Variants in SARDH observed in about 807,000 individuals in gnomAD.
SARDH encodes the protein sarcosine dehydrogenase.
In SARDH, 95 loss-of-function variants were observed where a neutral mutation model predicts 109.1. The observed-to-expected ratio is 0.87, with a 90% CI of 0.74 to 1.03. SARDH has a LOEUF of 1.03. Ranked by LOEUF, SARDH falls within the 50% of genes least tolerant of loss-of-function variation. The pLI is 0.00. For missense variants in SARDH, 1,267 were observed against 1,287.8 expected, an observed-to-expected ratio of 0.98 and a Z score of 0.25; for synonymous variants, 572 against 534.8, an observed-to-expected ratio of 1.07 and a Z score of -0.96.
At chr9:133,733,713 A>T in intron 2 of SARDH, 130 bp downstream of exon 2, 1 of 919,294 alleles carries the variant, frequency 1.1e-6, no homozygotes, top group Non-Finnish European at 1.5e-6. Flanking sequence ...CAAACTGGCC[A>T]TGCACCCTTC....
At chr9:133,681,247 G>A (rs1830684732) in intron 17 of SARDH, among the ~76,000 whole-genome samples, 2 of 152,208 alleles carry the variant, frequency 1.3e-5, no homozygotes, top group Non-Finnish European at 2.9e-5. Context: ...GGCAGCTGAT[G>A]TGGGCTCCCG....
Position 133,718,827 on chromosome 9 carries a change from C to A in SARDH, c.1020+111G>T. On this transcript the variant is annotated intron_variant, in intron 7 of 20. Transcript: ENST00000439388. The surrounding 1 kb of genome is among the most constrained non-coding windows in gnomAD (Gnocchi z 4.2). ...TGGGGTCAGGGGACCGGCCACTTCT[C>A]AGGTGTGCCTCTGAGGAGCTTCAGG... 2 of 898,950 alleles carry A rather than the reference C, an allele frequency of 2.2e-6. No homozygotes were observed. Among genetic ancestry groups the A allele is most frequent in the Non-Finnish European group, 1.9e-6 (1 of 529,364 alleles). The allele number at this position is 898,950 out of a possible 1,614,324, so 55.7% of individuals were successfully genotyped here. A position where few individuals can be genotyped will look rare whatever the true frequency, so the allele number is the denominator to read the frequency against.
intron 1 of SARDH, among the ~76,000 whole-genome samples, chr9:133,735,207 A>G (rs1181464657): frequency 6.6e-6 from 1 of 152,202 alleles, no homozygotes; most frequent in African/African-American, 2.4e-5. Flanking sequence ...CCCCCTCATC[A>G]GCCCCAAAGC....
rs759764192 is a variant in SARDH, at chr9:133,670,711, G to T, written c.2368C>A (p.Pro790Thr). The change falls in exon 19 of 21, where the codon CCC (proline) becomes ACC (threonine). Residue 790 changes from proline (P) to threonine (T), a missense_variant. By Grantham distance (38) the Pro-to-Thr change is conservative. Coordinates refer to ENST00000439388, the MANE Select transcript of SARDH (RefSeq NM_001134707.2). ...WHADLRPDDS[P>T]LEAGLAFTCK... ...GTGAAGGCCAGGCCTGCCTCCAGGG[G>T]GCTGTCGTCTGGCCGCAGGTCCGCG... is the stretch of plus-strand genomic sequence containing the variant. 2 of 1,602,168 alleles carry T rather than the reference G, an allele frequency of 1.2e-6. No homozygotes were observed. Among genetic ancestry groups the T allele is most frequent in the Non-Finnish European group, 1.7e-6 (2 of 1,175,432 alleles).
intron 8 of SARDH, 109 bp downstream of exon 8, chr9:133,717,217 C>T (rs1257587338): frequency 1.7e-5 from 24 of 1,400,650 alleles, no homozygotes; most frequent in Non-Finnish European, 2.4e-5. Context: ...CCGGGGACAG[C>T]CCTGGGTCCC....
intron 6 of SARDH, among the ~76,000 whole-genome samples, chr9:133,720,676 C>T (rs964175667): frequency 6.6e-6 from 1 of 152,128 alleles, no homozygotes; most frequent in Non-Finnish European, 1.5e-5. Context: ...AGGGGAACTC[C>T]CTTTATAAAA....
intron 18 of SARDH, 95 bp downstream of exon 18, chr9:133,671,440 G>A (rs921293760): frequency 4.3e-6 from 6 of 1,401,936 alleles, no homozygotes; most frequent in Non-Finnish European, 3.8e-6. Flanking sequence ...ACAACACAGG[G>A]AAGGTAAACA....
rs1831818499 is a variant in SARDH at position 133,709,171 on chromosome 9, C to CGTGG, written c.1329-744_1329-743insCCAC. 6.6e-6 allele frequency among the ~76,000 whole-genome samples: 1 copy of CGTGG among 152,192 alleles called. No individual in the cohort carries two copies. The highest frequency in any genetic ancestry group is 6.5e-5 in the Admixed American group (1 of 15,288). On this transcript the variant is annotated intron_variant, in intron 10 of 20. Transcript: ENST00000439388. This position sits in a 1 kb window ranked among gnomAD's most constrained non-coding sequence, Gnocchi z 4.2. The stretch of plus-strand genomic sequence containing the variant: ...AGGCTGGGGACACAGTGTGCGGCCA[C>CGTGG]GGCAGCCCCCGGTGGTGTCCAGCAC...
At chr9:133,707,938 C>T (rs992839360) in intron 11 of SARDH, among the ~76,000 whole-genome samples, 10 of 152,190 alleles carry the variant, frequency 6.6e-5, no homozygotes, top group Non-Finnish European at 1.3e-4. Flanking sequence ...TCTCCCAATA[C>T]GTGGCTGCAT....
chr9:133,687,768 G>A (rs759391900), intron 16 of SARDH, among the ~76,000 whole-genome samples: 1 of 152,236 alleles, frequency 6.6e-6, no homozygotes, highest in African/African-American at 2.4e-5. Context: ...CCATTGTCCA[G>A]TAGGTGTGCT....
intron 6 of SARDH, among the ~76,000 whole-genome samples, chr9:133,725,122 C>T (rs749188627): frequency 3.9e-5 from 6 of 152,194 alleles, no homozygotes; most frequent in Non-Finnish European, 8.8e-5. Flanking sequence ...AGCCAGACAT[C>T]ATGTGATTCC....
intron 17 of SARDH, among the ~76,000 whole-genome samples, chr9:133,680,988 A>G (rs129894): frequency 0.47 from 71,857 of 152,160 alleles, 19,144 homozygotes; most frequent in African/African-American, 0.74. Flanking sequence ...GAATGACCCC[A>G]CAGAGCCGGC....
At chr9:133,683,792 C>T (rs1433666279) in intron 17 of SARDH, among the ~76,000 whole-genome samples, 2 of 152,218 alleles carry the variant, frequency 1.3e-5, no homozygotes, top group African/African-American at 2.4e-5. Flanking sequence ...CAGGCCAGGA[C>T]CTCGCTCCTC....
In SARDH at chr9:133,713,070, C is replaced by A; in HGVS notation, c.1205G>T (p.Gly402Val). ...GTTGAAGCCACAGCCCAGGAAGAAC[C>A]CTCGGAGCTCAGGTGCCTCCCCCAT... ...PLMGEAPELR[G>V]FFLGCGFNSA... Residue 402 changes from glycine (G) to valine (V), a missense_variant, in exon 9 of 21, where the codon GGG becomes GTG. Transcript: ENST00000439388. 1.2e-6 allele frequency: 2 copies of A among 1,613,218 alleles called. No individual in the cohort carries two copies. Among genetic ancestry groups the A allele is most frequent in the African/African-American group, 2.7e-5 (2 of 75,052 alleles).
chr9:133,679,934 C>T (rs947955733), intron 17 of SARDH, among the ~76,000 whole-genome samples: 5 of 152,230 alleles, frequency 3.3e-5, no homozygotes, highest in African/African-American at 7.2e-5. Context: ...CCAGAGGTTC[C>T]GCTGACTGCG....
intron 17 of SARDH, among the ~76,000 whole-genome samples, chr9:133,678,881 C>T (rs867575609): frequency 1.3e-5 from 2 of 152,328 alleles, no homozygotes; most frequent in African/African-American, 4.8e-5. Context: ...GGGCTGTCTC[C>T]CATGCCCCTG....
chr9:133,690,239 G>C, intron 16 of SARDH, 141 bp downstream of exon 16: 1 of 876,658 alleles, frequency 1.1e-6, no homozygotes, highest in Non-Finnish European at 1.7e-6. Context: ...TATTTATTCA[G>C]AATGGCATCT....
chr9:133,666,627 C>T lies in SARDH; in HGVS notation c.2631+108G>A, dbSNP rs1244806779. Reference sequence around the variant, plus strand: ...CCCTCCTCCTCTTCTGGACCACACCCGTGCCTCCTCCCTATGCCCGGCACA... The same window carrying T: ...CCCTCCTCCTCTTCTGGACCACACCTGTGCCTCCTCCCTATGCCCGGCACA... On this transcript the variant is annotated intron_variant, in intron 20 of 20. Coordinates refer to ENST00000439388, the MANE Select transcript of SARDH (RefSeq NM_001134707.2). The surrounding 1 kb of genome is among the most constrained non-coding windows in gnomAD (Gnocchi z 5.2). The T allele has an allele frequency of 5.3e-5, 76 of 1,431,894 alleles. No individual in the cohort carries two copies. The highest frequency in any genetic ancestry group is 4.5e-4 in the East Asian group (18 of 40,154). The allele number at this position is 1,431,894 out of a possible 1,614,324, so 88.7% of individuals were successfully genotyped here.
At chr9:133,717,248 T>C in intron 8 of SARDH, 78 bp downstream of exon 8, 8 of 1,557,068 alleles carry the variant, frequency 5.1e-6, no homozygotes, top group Non-Finnish European at 7.0e-6. Context: ...CAGGCTGGTC[T>C]CACGGGGCAT....
Sources: gnomAD v4.1 joint callset for allele counts (sites outside exome capture counted in the v4.1 genomes callset) on GRCh38, gnomAD v4.1.1 for gene constraint, Gnocchi (gnomAD v3.1) non-coding constraint, MANE v1.5 for transcripts, NCBI Gene and HGNC (gene_info 2026-07-23, HGNC 2026-07-21) for gene names.